PROM1: variants seen among roughly 807,000 people sequenced by gnomAD.
The protein encoded by PROM1 is prominin-1.
A neutral mutation model predicts 116.9 loss-of-function variants in PROM1; 105 were observed. The observed-to-expected ratio is 0.90, with a 90% CI of 0.77 to 1.06. The LOEUF (loss-of-function observed/expected upper bound fraction) is 1.06. Ranked by LOEUF, PROM1 falls within the 50% of genes least tolerant of loss-of-function variation. PROM1 has a pLI of 0.00. For synonymous variants in PROM1, 393 were observed against 387.0 expected, an observed-to-expected ratio of 1.02 and a Z score of -0.18; for missense variants, 1,122 against 1,045.2, an observed-to-expected ratio of 1.07 and a Z score of -1.01.
intron 2 of PROM1, among the ~76,000 whole-genome samples, chr4:16,043,431 G>C (rs1735790357): frequency 1.3e-5 from 2 of 152,196 alleles, no homozygotes; most frequent in African/African-American, 4.8e-5. Flanking sequence ...CTCCAGAGTA[G>C]CTGGGACCAC....
At chr4:16,077,266 C>A (rs150374344) in intron 1 of PROM1, among the ~76,000 whole-genome samples, 2 of 152,234 alleles carry the variant, frequency 1.3e-5, no homozygotes, top group Non-Finnish European at 2.9e-5. Context: ...GTGGGACATG[C>A]GGGCAACAAT....
At chr4:16,059,414 T>C (rs1451559477) in intron 2 of PROM1, among the ~76,000 whole-genome samples, 1 of 152,192 alleles carries the variant, frequency 6.6e-6, no homozygotes, top group Non-Finnish European at 1.5e-5. Flanking sequence ...CTATCAAAAG[T>C]GCAAACTGGC....
At chr4:16,030,812 G>A (rs1439144491) in intron 5 of PROM1, among the ~76,000 whole-genome samples, 6 of 152,160 alleles carry the variant, frequency 3.9e-5, no homozygotes, top group Non-Finnish European at 8.8e-5. Flanking sequence ...TTGGGAGGTC[G>A]AGGAGGGCAG....
In PROM1 at chr4:15,979,709, C is replaced by T. The variant is rs9685492; in HGVS notation, c.2513+172G>A. 0.44 allele frequency among the ~76,000 whole-genome samples: 67,309 copies of T among 152,036 alleles called. 14,841 individuals carry two copies. The highest frequency in any genetic ancestry group is 0.48 in the African/African-American group (19,995 of 41,470). On this transcript the variant is annotated intron_variant, in intron 25 of 27. Coordinates refer to ENST00000447510, the MANE Select transcript of PROM1 (RefSeq NM_006017.3). ...ATTCATCAAGTATTTCTTGAGCACC[C>T]TCTATGTGCCAACCCTCTTTTTAAG...
intron 15 of PROM1, 119 bp downstream of exon 15, chr4:15,998,266 G>C: frequency 7.2e-7 from 1 of 1,380,860 alleles, no homozygotes; most frequent in Non-Finnish European, 9.6e-7. Context: ...ATACAGGACA[G>C]CTTATCTCTG....
At chr4:16,041,612 C>T (rs1395486314) in intron 2 of PROM1, among the ~76,000 whole-genome samples, 2 of 151,832 alleles carry the variant, frequency 1.3e-5, no homozygotes, top group Non-Finnish European at 2.9e-5. Context: ...TAGTGAGACC[C>T]CACATTAGTC....
chr4:15,987,614 T>C (rs368214040), intron 20 of PROM1, 49 bp downstream of exon 20: 86 of 1,541,170 alleles, frequency 5.6e-5, no homozygotes, highest in South Asian at 2.6e-4. Context: ...ATTCTTTGTG[T>C]GGTATTTTAT....
At chr4:16,029,157 A>G (rs1251667976) in intron 5 of PROM1, among the ~76,000 whole-genome samples, 3 of 152,252 alleles carry the variant, frequency 2.0e-5, no homozygotes, top group Non-Finnish European at 4.4e-5. Flanking sequence ...GATTTTCAGG[A>G]CTGCTACATC....
chr4:16,063,727 C>A (rs7699781), intron 2 of PROM1, among the ~76,000 whole-genome samples: 106,342 of 152,140 alleles, frequency 0.7, 37,535 homozygotes, highest in Non-Finnish European at 0.76. Flanking sequence ...AATAAAACTG[C>A]ACATTTCCTG....
intron 2 of PROM1, among the ~76,000 whole-genome samples, chr4:16,052,237 G>A (rs778095912): frequency 1.1e-4 from 16 of 152,052 alleles, no homozygotes; most frequent in African/African-American, 3.6e-4. Flanking sequence ...CAGCCTTTCC[G>A]ACTGCTTCTA....
At chr4:16,005,054 C>G (rs937908472) in intron 13 of PROM1, among the ~76,000 whole-genome samples, 11 of 148,544 alleles carry the variant, frequency 7.4e-5, no homozygotes, top group Non-Finnish European at 1.5e-4. Context: ...CCTTTGCCTC[C>G]TGGGTTCAGG....
intron 1 of PROM1, chr4:16,078,240 A>T (rs1400043674): frequency 6.6e-6 from 1 of 152,256 alleles, no homozygotes; most frequent in East Asian, 1.9e-4. Context: ...AACACTGGGC[A>T]TGGCACGTAG....
chr4:15,985,642 C>T lies in PROM1; in HGVS notation c.2280+118G>A, dbSNP rs192954706. On this transcript the variant is annotated intron_variant, in intron 22 of 27. Coordinates refer to ENST00000447510, the MANE Select transcript of PROM1 (RefSeq NM_006017.3). ...TTGGTCCTGCACATCAATGTCCTTT[C>T]ACTTACTTCCTACCAAATTATGGGA... 34 of 823,098 alleles carry T rather than the reference C, an allele frequency of 4.1e-5. No homozygotes were observed. In the East Asian group the frequency reaches 8.8e-4, roughly 21 times the overall value. 51.0% of individuals were successfully genotyped at this position (823,098 alleles called of 1,614,324 possible). A position where few individuals can be genotyped will look rare whatever the true frequency, so the allele number is the denominator to read the frequency against.
intron 6 of PROM1, 88 bp from the exon 7 acceptor site, chr4:16,024,446 C>T: frequency 9.0e-7 from 1 of 1,105,844 alleles, no homozygotes; most frequent in Middle Eastern, 2.1e-4. Flanking sequence ...CAAAAGTTTT[C>T]CTGAATCAGG....
intron 4 of PROM1, among the ~76,000 whole-genome samples, 194 bp downstream of exon 4, chr4:16,035,541 T>G (rs1189937735): frequency 6.6e-6 from 1 of 152,228 alleles, no homozygotes; most frequent in Non-Finnish European, 1.5e-5. Flanking sequence ...CACCAAGATC[T>G]TCCAGTGCTT....
At chr4:15,989,623 C>T (rs1720451277) in intron 19 of PROM1, 109 bp downstream of exon 19, 1 of 931,996 alleles carries the variant, frequency 1.1e-6, no homozygotes, top group Non-Finnish European at 1.7e-6. Context: ...AGCCAGTCAG[C>T]TGGGACCTAT....
rs757916601 is a variant in PROM1 at position 16,018,510 on chromosome 4, T to C, written c.815A>G (p.Asn272Ser). 5.0e-6 allele frequency: 8 copies of C among 1,611,590 alleles called. No individual in the cohort carries two copies. Among genetic ancestry groups the C allele is most frequent in the Non-Finnish European group, 5.9e-6 (7 of 1,179,432 alleles). ...CAAGCTCTTCAAGGTGCTGTTCATG[T>C]TCTCCAACGCCTCTTTGGTCTCCTT... ...AIKETKEALE[N>S]MNSTLKSLHQ... Residue 272 changes from asparagine to serine, a missense_variant, in exon 9 of 28, where the codon AAC becomes AGC. Transcript: ENST00000447510.
intron 5 of PROM1, among the ~76,000 whole-genome samples, chr4:16,027,754 C>T (rs540075786): frequency 6.7e-4 from 102 of 152,236 alleles, no homozygotes; most frequent in African/African-American, 5.1e-4. Context: ...TTGTCTACAC[C>T]GGGTGCTCCA....
intron 17 of PROM1, among the ~76,000 whole-genome samples, chr4:15,991,907 G>C (rs1474506613): frequency 1.6e-5 from 2 of 122,020 alleles, no homozygotes; most frequent in Non-Finnish European, 3.2e-5. Flanking sequence ...CTGCACTCCA[G>C]CCTGGTGACA....
Sources: gnomAD v4.1 joint callset for allele counts (sites outside exome capture counted in the v4.1 genomes callset) on GRCh38, gnomAD v4.1.1 for gene constraint, MANE v1.5 for transcripts, NCBI Gene and HGNC (gene_info 2026-07-23, HGNC 2026-07-21) for gene names.